Variants in DENND5A observed in about 807,000 individuals in gnomAD.
DENND5A encodes DENN domain-containing protein 5A.
DENND5A carries 64 observed loss-of-function variants against 140.3 expected under a neutral mutation model. That is an observed-to-expected ratio of 0.46 (90% CI 0.37 to 0.56). The LOEUF (loss-of-function observed/expected upper bound fraction) is 0.56. Among genes scored for constraint, DENND5A ranks in the 20% least tolerant of loss-of-function variants. The pLI, the probability that DENND5A is intolerant of heterozygous loss-of-function variation, is 0.00. For synonymous variants in DENND5A, 605 were observed against 607.7 expected (o/e 1.00, Z 0.07); for missense variants, 1,292 against 1,593.8 (o/e 0.81, Z 3.22).
At chr11:9,259,129 A>C (rs1419570381) in intron 1 of DENND5A, among the ~76,000 whole-genome samples, 1 of 152,044 alleles carries the variant, frequency 6.6e-6, no homozygotes, top group South Asian at 2.1e-4. Context: ...GCATGGTGGC[A>C]CATGCCTGTA....
rs939968291 is a variant in DENND5A, at chr11:9,197,587, T to TG, written c.950-3907dup. 1.1e-4 allele frequency among the ~76,000 whole-genome samples: 17 copies of TG among 150,262 alleles called. No homozygotes were observed. The East Asian group carries it at 2.8e-3, about 25-fold the overall frequency. ...GCACGTACCTGTAGTCCCAGCTACTTGGGGGGCTGAGGCACAAGAACTGCT... is the reference window on the plus strand; with the variant it reads ...GCACGTACCTGTAGTCCCAGCTACTTGGGGGGGCTGAGGCACAAGAACTGCT... On this transcript the variant is annotated intron_variant, in intron 4 of 22. Transcript: ENST00000328194.
Position 9,145,770 on chromosome 11 carries a change from C to T in DENND5A, c.2903G>A (p.Gly968Asp). The change falls in exon 17 of 23, where the codon GGC becomes GAC. Residue 968 changes from glycine (G) to aspartate (D), a missense_variant. Coordinates refer to ENST00000328194, the MANE Select transcript of DENND5A (RefSeq NM_015213.4). Reference protein sequence around the residue: ...ILIVPSKKLGGSMFTANPWIC... With the variant: ...ILIVPSKKLGDSMFTANPWIC... ...CCATGGGTTGGCAGTGAACATGGAG[C>T]CCCCCAGCTTCTTGCTTGGTACGAT... 1 of 1,614,086 alleles carries T rather than the reference C, an allele frequency of 6.2e-7. No individual in the cohort carries two copies. Among genetic ancestry groups the T allele is most frequent in the Non-Finnish European group, 8.5e-7 (1 of 1,179,970 alleles).
In DENND5A at chr11:9,152,690, G is replaced by A. The variant is rs574468637; in HGVS notation, c.2437-248C>T. ...GAAAGGAGATGGGAAAGAGAGCCTG[G>A]TAAGGGACCAGTGGATAAGAAAGAA... On this transcript the variant is annotated intron_variant, in intron 12 of 22. Transcript: ENST00000328194. Among the ~76,000 whole-genome samples, 7 of 152,228 alleles carry A rather than the reference G, an allele frequency of 4.6e-5. No homozygotes were observed. In the South Asian group the frequency reaches 1.5e-3, roughly 32 times the overall value.
intron 19 of DENND5A, 142 bp downstream of exon 19, chr11:9,143,955 G>T (rs565206739): frequency 2.1e-6 from 2 of 937,130 alleles, no homozygotes; most frequent in Non-Finnish European, 1.6e-6. Context: ...GGTGCCATAT[G>T]TGTGAGGTGG....
chr11:9,231,110 A>T (rs1319624714), intron 1 of DENND5A, among the ~76,000 whole-genome samples: 1 of 152,252 alleles, frequency 6.6e-6, no homozygotes, highest in African/African-American at 2.4e-5. Flanking sequence ...GAGGTACTCA[A>T]CAAATATTAG....
chr11:9,152,856 T>C (rs536123686), intron 12 of DENND5A, among the ~76,000 whole-genome samples: 2 of 150,322 alleles, frequency 1.3e-5, no homozygotes, highest in Non-Finnish European at 3.0e-5. Context: ...ATACACAAAT[T>C]AGCAGGATGT....
chr11:9,259,346 C>G (rs1852089510), intron 1 of DENND5A, among the ~76,000 whole-genome samples: 1 of 151,660 alleles, frequency 6.6e-6, no homozygotes, highest in African/African-American at 2.4e-5. Context: ...ATCACAAGGT[C>G]AGGAGATCAA....
chr11:9,232,423 C>G (rs1850811300), intron 1 of DENND5A, among the ~76,000 whole-genome samples: 1 of 151,956 alleles, frequency 6.6e-6, no homozygotes, highest in Admixed American at 6.6e-5. Context: ...ACAGCAAAAG[C>G]CCTGAATAGA....
At chr11:9,170,849 C>T (rs1848349375) in intron 8 of DENND5A, 72 bp from the exon 9 acceptor site, 5 of 1,578,950 alleles carry the variant, frequency 3.2e-6, no homozygotes, top group Non-Finnish European at 4.3e-6. Context: ...TCAAGTCAAA[C>T]ATTCTTTAAG....
At chr11:9,240,040 A>G (rs1433264104) in intron 1 of DENND5A, among the ~76,000 whole-genome samples, 1 of 152,156 alleles carries the variant, frequency 6.6e-6, no homozygotes, top group East Asian at 1.9e-4. Context: ...CAAGACATAA[A>G]CTGCAAAGCT....
chr11:9,235,949 T>A (rs1850981632), intron 1 of DENND5A, among the ~76,000 whole-genome samples: 1 of 152,098 alleles, frequency 6.6e-6, no homozygotes, highest in African/African-American at 2.4e-5. Flanking sequence ...GAATTACACA[T>A]TTTTAAACGG....
chr11:9,224,766 G>A (rs1370926815), intron 1 of DENND5A, among the ~76,000 whole-genome samples: 1 of 150,708 alleles, frequency 6.6e-6, no homozygotes, highest in Non-Finnish European at 1.5e-5. Flanking sequence ...GCTGAGGCAA[G>A]AGAATCGCTT....
chr11:9,140,382 C>A (rs755718950), intron 22 of DENND5A: 16 of 426,370 alleles, frequency 3.8e-5, no homozygotes, highest in South Asian at 2.8e-4. Context: ...CTAGTGAATG[C>A]GGTTCTGGAG....
At chr11:9,226,432 A>G (rs1850532267) in intron 1 of DENND5A, among the ~76,000 whole-genome samples, 1 of 152,070 alleles carries the variant, frequency 6.6e-6, no homozygotes, top group South Asian at 2.1e-4. Flanking sequence ...ATCCTTTCCA[A>G]TCTATATATA....
intron 2 of DENND5A, chr11:9,207,244 A>C: frequency 2.1e-6 from 1 of 479,414 alleles, no homozygotes; most frequent in African/African-American, 2.0e-5. Flanking sequence ...AGATGTAAGA[A>C]CATTAACGAA....
At chr11:9,210,674 G>A (rs974113198) in intron 1 of DENND5A, among the ~76,000 whole-genome samples, 8 of 152,140 alleles carry the variant, frequency 5.3e-5, no homozygotes, top group African/African-American at 1.9e-4. Context: ...CTCCAGAGTA[G>A]CTAGGACCAC....
intron 5 of DENND5A, 137 bp downstream of exon 5, chr11:9,193,357 T>C (rs1296139602): frequency 4.9e-6 from 3 of 612,584 alleles, no homozygotes; most frequent in East Asian, 6.4e-5. Context: ...TTTTTACTTT[T>C]TTCCTGAGAA....
chr11:9,143,652 C>T (rs1008580226), intron 19 of DENND5A, among the ~76,000 whole-genome samples, 167 bp from the exon 20 acceptor site: 2 of 152,220 alleles, frequency 1.3e-5, no homozygotes, highest in African/African-American at 2.4e-5. Context: ...TTAGCTCTTC[C>T]GCAAATCTTG....
chr11:9,156,784 AG>A lies in DENND5A; in HGVS notation c.2436+3928del, dbSNP rs1458225070. 2.0e-5 allele frequency among the ~76,000 whole-genome samples: 3 copies of A among 150,174 alleles called. No individual in the cohort carries two copies. The East Asian group carries it at 6.1e-4, about 30-fold the overall frequency. ...ACCACTGCACTCCAGGCTGTGTGAC[AG>A]AGCGAGACTCTCGAAGGAAAGAGAG... On this transcript the variant is annotated intron_variant, in intron 12 of 22. Coordinates refer to ENST00000328194, the MANE Select transcript of DENND5A (RefSeq NM_015213.4).
Sources: gnomAD v4.1 joint callset for allele counts (sites outside exome capture counted in the v4.1 genomes callset) on GRCh38, gnomAD v4.1.1 for gene constraint, MANE v1.5 for transcripts, NCBI Gene and HGNC (gene_info 2026-07-23, HGNC 2026-07-21) for gene names.